The following MAGI1 variants were observed in gnomAD, a reference collection of about 807,000 sequenced individuals.
The protein encoded by MAGI1 is membrane associated guanylate kinase, WW and PDZ domain containing 1.
Under a neutral mutation model 139.9 loss-of-function variants are expected in MAGI1, and 58 were observed. That is an observed-to-expected ratio of 0.41 (90% CI 0.34 to 0.52). The LOEUF (loss-of-function observed/expected upper bound fraction) is 0.52, where lower values mean the gene tolerates loss of function less well. Among genes scored for constraint, MAGI1 ranks in the 20% least tolerant of loss-of-function variants. MAGI1 has a pLI of 0.12. For missense variants in MAGI1, 1,874 were observed against 1,901.6 expected, an observed-to-expected ratio of 0.99 and a Z score of 0.27; for synonymous variants, 812 against 737.9, an observed-to-expected ratio of 1.10 and a Z score of -1.63.
intron 1 of MAGI1, among the ~76,000 whole-genome samples, chr3:65,792,645 G>A (rs1422404547): frequency 1.3e-5 from 2 of 152,024 alleles, no homozygotes; most frequent in African/African-American, 2.4e-5. Flanking sequence ...GATCTGATCA[G>A]CTACTAAGTG....
chr3:65,897,485 G>T (rs988746265), intron 1 of MAGI1, among the ~76,000 whole-genome samples: 3 of 151,954 alleles, frequency 2.0e-5, no homozygotes, highest in Non-Finnish European at 4.4e-5. Context: ...GGGGGCAGGG[G>T]CGGAATAGCA....
chr3:65,730,694 C>A (rs72906200), intron 1 of MAGI1, among the ~76,000 whole-genome samples: 2 of 152,166 alleles, frequency 1.3e-5, no homozygotes, highest in African/African-American at 2.4e-5. Flanking sequence ...GGGAGAGATG[C>A]TACTGAGGAG....
intron 2 of MAGI1, among the ~76,000 whole-genome samples, chr3:65,508,372 C>T (rs983563830): frequency 1.3e-5 from 2 of 151,758 alleles, no homozygotes; most frequent in East Asian, 1.9e-4. Flanking sequence ...CCACTGCACT[C>T]CTGCCTGGGT....
intron 2 of MAGI1, among the ~76,000 whole-genome samples, chr3:65,601,457 G>C (rs186535572): frequency 1.1e-4 from 16 of 152,228 alleles, no homozygotes; most frequent in African/African-American, 3.9e-4. Flanking sequence ...GCATTTATTA[G>C]AGAATAAGAG....
intron 13 of MAGI1, among the ~76,000 whole-genome samples, chr3:65,391,606 G>A (rs540754819): frequency 2.0e-5 from 3 of 152,200 alleles, no homozygotes; most frequent in East Asian, 3.9e-4. Flanking sequence ...GGGCTACAGC[G>A]GAAAACAAAT....
At chr3:65,497,401 TG>T (rs1190623871) in intron 2 of MAGI1, among the ~76,000 whole-genome samples, 1 of 152,168 alleles carries the variant, frequency 6.6e-6, no homozygotes, top group Admixed American at 6.5e-5. Flanking sequence ...GTGAAAAAGC[TG>T]TTCAGCCAGC....
rs538654864 is a variant in MAGI1, at chr3:65,737,075, G to A, written c.314-114987C>T. Among the ~76,000 whole-genome samples, 349 of 152,114 alleles carry A rather than the reference G, an allele frequency of 2.3e-3. 1 individual carries two copies. The highest frequency in any genetic ancestry group is 8.1e-3 in the African/African-American group (335 of 41,488). ...GCTGGAGTGCAGTGGCGCGATCTCGGCTCACTACAAGCTCCACCTCCTGGG... is the reference window on the plus strand; with the variant it reads ...GCTGGAGTGCAGTGGCGCGATCTCGACTCACTACAAGCTCCACCTCCTGGG... On this transcript the variant is annotated intron_variant, in intron 1 of 22. Coordinates refer to ENST00000402939, the MANE Select transcript of MAGI1 (RefSeq NM_001033057.2).
At chr3:65,868,572 C>T (rs1015957556) in intron 1 of MAGI1, among the ~76,000 whole-genome samples, 3 of 152,140 alleles carry the variant, frequency 2.0e-5, no homozygotes, top group African/African-American at 7.2e-5. Flanking sequence ...CAGCATATAT[C>T]TTTGGGAGAA....
intron 2 of MAGI1, among the ~76,000 whole-genome samples, chr3:65,582,587 A>G (rs2081488246): frequency 7.7e-6 from 1 of 130,668 alleles, no homozygotes; most frequent in Non-Finnish European, 1.7e-5. Flanking sequence ...TTCTGAGTAC[A>G]AAATCCAGGT....
At position 65,839,686 on chromosome 3, in the gene MAGI1, C is replaced by T. The variant is rs553976962; in HGVS notation, c.313+198310G>A. Among the ~76,000 whole-genome samples the T allele has an allele frequency of 4.5e-4, 69 of 152,088 alleles. No individual in the cohort carries two copies. In the South Asian group the frequency reaches 0.014, roughly 30 times the overall value. On this transcript the variant is annotated intron_variant, in intron 1 of 22. Coordinates refer to ENST00000402939, the MANE Select transcript of MAGI1 (RefSeq NM_001033057.2). ...AGGAGAATACTTTCAGGACATAGGG[C>T]GTGGAGAAGAATTCTTAGACACGAC...
intron 1 of MAGI1, among the ~76,000 whole-genome samples, chr3:65,964,488 G>A (rs985271457): frequency 6.6e-6 from 1 of 151,390 alleles, no homozygotes; most frequent in African/African-American, 2.4e-5. Context: ...TATTGAGATA[G>A]AAAGAAAGGT....
At chr3:65,994,644 C>T (rs547487014) in intron 1 of MAGI1, among the ~76,000 whole-genome samples, 4 of 152,314 alleles carry the variant, frequency 2.6e-5, no homozygotes, top group South Asian at 4.1e-4. Context: ...TGTCTCAGCT[C>T]CCTGAGCTAT....
intron 2 of MAGI1, among the ~76,000 whole-genome samples, chr3:65,499,666 G>A (rs2077008012): frequency 1.3e-5 from 2 of 152,070 alleles, no homozygotes; most frequent in Non-Finnish European, 2.9e-5. Context: ...GTTACCTGAA[G>A]GAATGCCTTT....
chr3:65,360,174 A>C (rs1312321742), intron 22 of MAGI1: 2 of 985,188 alleles, frequency 2.0e-6, no homozygotes, highest in Middle Eastern at 5.2e-4. Flanking sequence ...CATCTCATCA[A>C]GTCCAAAATG....
intron 1 of MAGI1, among the ~76,000 whole-genome samples, chr3:65,814,427 T>C (rs1426026538): frequency 1.3e-5 from 2 of 152,214 alleles, no homozygotes; most frequent in South Asian, 4.1e-4. Flanking sequence ...TCACCTCTCA[T>C]TCACACAGCA....
Position 65,833,817 on chromosome 3 carries a change from A to T in MAGI1, c.313+204179T>A, listed in dbSNP as rs995945471. Among the ~76,000 whole-genome samples the T allele has an allele frequency of 3.2e-4, 48 of 152,258 alleles. 1 individual carries two copies. Among genetic ancestry groups the T allele is most frequent in the Admixed American group, 2.0e-4 (3 of 15,288 alleles). ...TTTCCTTAATTGAGTAAACAATTAC[A>T]TGAAGCCAAAAGTTGGCTGAAGAGA... On this transcript the variant is annotated intron_variant, in intron 1 of 22. Transcript: ENST00000402939.
At chr3:65,866,133 CAT>C (rs1027108777) in intron 1 of MAGI1, among the ~76,000 whole-genome samples, 17 of 150,960 alleles carry the variant, frequency 1.1e-4, no homozygotes, top group African/African-American at 3.4e-4. Flanking sequence ...AAATATAAAA[CAT>C]GTAAATTATA....
At chr3:65,576,012 G>A (rs1398254052) in intron 2 of MAGI1, among the ~76,000 whole-genome samples, 1 of 152,132 alleles carries the variant, frequency 6.6e-6, no homozygotes, top group Non-Finnish European at 1.5e-5. Context: ...ATATGCACAA[G>A]TCAAGACTTA....
At chr3:65,632,024 C>CA (rs397962718) in intron 1 of MAGI1, among the ~76,000 whole-genome samples, 39,334 of 125,946 alleles carry the variant, frequency 0.31, 6,282 homozygotes, top group East Asian at 0.69. Flanking sequence ...GACTCCGTCT[C>CA]AAAAAAAAAA....
Sources: allele counts gnomAD v4.1 joint callset (sites outside exome capture counted in the v4.1 genomes callset), GRCh38; gene constraint gnomAD v4.1.1; transcripts MANE v1.5; gene names NCBI Gene and HGNC (gene_info 2026-07-23, HGNC 2026-07-21).